Variants in TWSG1 observed in about 807,000 individuals in gnomAD.
TWSG1 encodes the protein twisted gastrulation BMP signaling modulator 1, also known as twisted gastrulation protein homolog 1.
A neutral mutation model predicts 23.0 loss-of-function variants in TWSG1; 15 were observed. The observed-to-expected ratio is 0.65, with a 90% CI of 0.44 to 1.00. TWSG1 has a LOEUF of 1.00. Ranked by LOEUF, TWSG1 falls within the 50% of genes least tolerant of loss-of-function variation. The pLI is 0.00. For synonymous variants in TWSG1, 86 were observed against 92.8 expected (o/e 0.93, Z 0.42); for missense variants, 242 against 278.7 (o/e 0.87, Z 0.94).
chr18:9,373,339 G>A (rs533109856), intron 3 of TWSG1, among the ~76,000 whole-genome samples: 11 of 152,178 alleles, frequency 7.2e-5, no homozygotes, highest in African/African-American at 2.6e-4. Flanking sequence ...GACCAGCCTG[G>A]TCAACATGGC....
At chr18:9,357,455 G>A (rs570154072) in intron 2 of TWSG1, among the ~76,000 whole-genome samples, 13 of 152,214 alleles carry the variant, frequency 8.5e-5, no homozygotes, top group African/African-American at 1.7e-4. Context: ...AAAAAATGTC[G>A]TATTAGAATA....
At chr18:9,375,235 A>G (rs565323673) in intron 3 of TWSG1, among the ~76,000 whole-genome samples, 1 of 152,062 alleles carries the variant, frequency 6.6e-6, no homozygotes, top group Non-Finnish European at 1.5e-5. Context: ...AAGAAAAAAA[A>G]ATCACATGAT....
chr18:9,394,436 G>T (rs2040725632), intron 3 of TWSG1, among the ~76,000 whole-genome samples: 1 of 152,198 alleles, frequency 6.6e-6, no homozygotes, highest in Non-Finnish European at 1.5e-5. Context: ...GGAACAGGAG[G>T]ATAGAGAGAT....
chr18:9,400,547 A>G lies in TWSG1; in HGVS notation c.*1020A>G, dbSNP rs1466623472. On this transcript the variant is annotated 3_prime_UTR_variant, in exon 5 of 5. Coordinates refer to ENST00000262120, the MANE Select transcript of TWSG1 (RefSeq NM_020648.6). ...TGAAGAAGAGAATTGACTCGTATGAACAGGACAGGGTGAAAATGCTGGGAA... is the reference window on the plus strand; with the variant it reads ...TGAAGAAGAGAATTGACTCGTATGAGCAGGACAGGGTGAAAATGCTGGGAA... 6.6e-6 allele frequency: 1 copy of G among 152,238 alleles called. No individual in the cohort carries two copies. The highest frequency in any genetic ancestry group is 2.4e-5 in the African/African-American group (1 of 41,462). 9.4% of individuals were successfully genotyped at this position (152,238 alleles called of 1,614,324 possible). A position where few individuals can be genotyped will look rare whatever the true frequency, so the allele number is the denominator to read the frequency against.
At chr18:9,360,655 C>T (rs1301709233) in intron 3 of TWSG1, among the ~76,000 whole-genome samples, 1 of 152,102 alleles carries the variant, frequency 6.6e-6, no homozygotes, top group Non-Finnish European at 1.5e-5. Context: ...TTGCATGCTC[C>T]TATAATTGTT....
chr18:9,378,557 C>A (rs2040641603), intron 3 of TWSG1, among the ~76,000 whole-genome samples: 1 of 152,134 alleles, frequency 6.6e-6, no homozygotes, highest in Non-Finnish European at 1.5e-5. Context: ...ATATACCTAA[C>A]CAGTGAGATA....
chr18:9,347,561 A>G (rs1477185747), intron 2 of TWSG1, among the ~76,000 whole-genome samples: 1 of 151,952 alleles, frequency 6.6e-6, no homozygotes, highest in Non-Finnish European at 1.5e-5. Context: ...CTTTTGTTAA[A>G]TTTATTTATC....
intron 2 of TWSG1, among the ~76,000 whole-genome samples, chr18:9,337,591 A>T (rs1204759830): frequency 6.6e-6 from 1 of 152,210 alleles, no homozygotes; most frequent in South Asian, 2.1e-4. Context: ...TTGTATAAAC[A>T]TGTCATTACA....
At chr18:9,368,191 G>T (rs1171465507) in intron 3 of TWSG1, among the ~76,000 whole-genome samples, 3 of 151,500 alleles carry the variant, frequency 2.0e-5, no homozygotes, top group African/African-American at 7.3e-5. Context: ...TCTTATTGTG[G>T]TGTTTTTTTT....
At chr18:9,340,784 A>G (rs1422283609) in intron 2 of TWSG1, among the ~76,000 whole-genome samples, 3 of 152,244 alleles carry the variant, frequency 2.0e-5, no homozygotes, top group African/African-American at 7.2e-5. Context: ...ACCCTGTGCA[A>G]TACAGTAGAA....
chr18:9,355,236 G>T (rs1339155510), intron 2 of TWSG1, among the ~76,000 whole-genome samples: 2 of 152,194 alleles, frequency 1.3e-5, no homozygotes, highest in Non-Finnish European at 2.9e-5. Context: ...GATTACAGGC[G>T]TGAGCCACCA....
intron 2 of TWSG1, among the ~76,000 whole-genome samples, chr18:9,338,622 TA>T (rs1187070123): frequency 9.2e-5 from 14 of 152,232 alleles, no homozygotes; most frequent in African/African-American, 2.9e-4. Context: ...ACTAATTCTT[TA>T]ATCACCTAAT....
rs1041262206 is a variant in TWSG1, at chr18:9,344,407, G to A, written c.123+7055G>A. 2.0e-5 allele frequency among the ~76,000 whole-genome samples: 3 copies of A among 151,290 alleles called. No individual in the cohort carries two copies. The South Asian group carries it at 6.3e-4, about 32-fold the overall frequency. Reference sequence around the variant, plus strand: ...CCAACACTTATCTTTCCTTTTTATTGTAGCACCTTTGTGGAGTGGTTATGA... The same window carrying A: ...CCAACACTTATCTTTCCTTTTTATTATAGCACCTTTGTGGAGTGGTTATGA... On this transcript the variant is annotated intron_variant, in intron 2 of 4. Coordinates refer to ENST00000262120, the MANE Select transcript of TWSG1 (RefSeq NM_020648.6).
chr18:9,396,240 C>T, intron 3 of TWSG1, 40 bp from the exon 4 acceptor site: 1 of 1,585,766 alleles, frequency 6.3e-7, no homozygotes, highest in Admixed American at 1.7e-5. Context: ...GATTGCAAGG[C>T]AGTAACTAAC....
At chr18:9,356,889 AG>A (rs2040529315) in intron 2 of TWSG1, among the ~76,000 whole-genome samples, 1 of 151,770 alleles carries the variant, frequency 6.6e-6, no homozygotes, top group Non-Finnish European at 1.5e-5. Flanking sequence ...AGATAGTGAA[AG>A]GATATTTTCT....
rs6146209 is a variant in TWSG1, at chr18:9,343,210, TTATATATATATATATATA to T, written c.123+5892_123+5909del. 1.3e-3 allele frequency among the ~76,000 whole-genome samples: 171 copies of T among 132,114 alleles called. 2 individuals are homozygous for T. Among genetic ancestry groups the T allele is most frequent in the South Asian group, 4.6e-3 (19 of 4,128 alleles). 86.7% of individuals were successfully genotyped at this position (132,114 alleles called of 152,430 possible). A position where few individuals can be genotyped will look rare whatever the true frequency, so the allele number is the denominator to read the frequency against. On this transcript the variant is annotated intron_variant, in intron 2 of 4. Transcript: ENST00000262120. ...AGGAAATGCCCTGTTTTGTTTTTTG[TTATATATATATATATATA>T]TATATATATATATATATATATATAT...
chr18:9,340,241 G>A (rs777144896), intron 2 of TWSG1, among the ~76,000 whole-genome samples: 2 of 151,668 alleles, frequency 1.3e-5, no homozygotes, highest in South Asian at 2.1e-4. Flanking sequence ...GGTGATGGGC[G>A]CCTGTAGTCC....
chr18:9,376,202 C>G (rs2040629730), intron 3 of TWSG1, among the ~76,000 whole-genome samples: 1 of 152,224 alleles, frequency 6.6e-6, no homozygotes, highest in Non-Finnish European at 1.5e-5. Context: ...CAGGCGTAAG[C>G]CACCACACCC....
In TWSG1 at chr18:9,337,486, T is replaced by C. The variant is rs2040428436; in HGVS notation, c.123+134T>C. ...TTGGGTCAGGGCCTGAGGTACTGAA[T>C]CATGACACACAGGTCTGGATTTTTA... On this transcript the variant is annotated intron_variant, in intron 2 of 4. Transcript: ENST00000262120. 6.6e-6 allele frequency: 6 copies of C among 914,698 alleles called. No individual in the cohort carries two copies. The Admixed American group carries it at 1.3e-4, about 20-fold the overall frequency. The allele number at this position is 914,698 out of a possible 1,614,324, so 56.7% of individuals were successfully genotyped here. A position where few individuals can be genotyped will look rare whatever the true frequency, so the allele number is the denominator to read the frequency against.
Sources: gnomAD v4.1 joint callset for allele counts (sites outside exome capture counted in the v4.1 genomes callset) on GRCh38, gnomAD v4.1.1 for gene constraint, MANE v1.5 for transcripts, NCBI Gene and HGNC (gene_info 2026-07-23, HGNC 2026-07-21) for gene names.